The following PLEKHA5 variants were observed in gnomAD, a reference collection of about 807,000 sequenced individuals.
The protein encoded by PLEKHA5 is pleckstrin homology domain containing A5, also known as pleckstrin homology domain-containing family A member 5.
Under a neutral mutation model 181.9 loss-of-function variants are expected in PLEKHA5, and 55 were observed. The ratio of observed to expected loss-of-function variants is 0.30; its 90% CI spans 0.24 to 0.38. The LOEUF (loss-of-function observed/expected upper bound fraction) is 0.38, where lower values mean the gene tolerates loss of function less well. Ranked by LOEUF, PLEKHA5 falls within the 10% of genes least tolerant of loss-of-function variation. The probability of loss-of-function intolerance (pLI) is 1.00; values close to 1 mark genes in which losing one functional copy is unlikely to be tolerated. For synonymous variants in PLEKHA5, 535 were observed against 529.4 expected, an observed-to-expected ratio of 1.01 and a Z score of -0.15; for missense variants, 1,432 against 1,549.5, an observed-to-expected ratio of 0.92 and a Z score of 1.27.
chr12:19,164,499 C>G (rs965218102), intron 3 of PLEKHA5, among the ~76,000 whole-genome samples: 5 of 152,054 alleles, frequency 3.3e-5, no homozygotes, highest in African/African-American at 1.2e-4. Flanking sequence ...CTGGCCTTTC[C>G]AGATTATTTT....
chr12:19,334,721 C>G lies in PLEKHA5; in HGVS notation c.2449-1794C>G, dbSNP rs182810820. On this transcript the variant is annotated intron_variant, in intron 20 of 31. Transcript: ENST00000429027. ...GCTGACTAGATGTGGTGGCTCACACCTGTAATCTCAGCACTATGAGAGGCC... is the reference window on the plus strand; with the variant it reads ...GCTGACTAGATGTGGTGGCTCACACGTGTAATCTCAGCACTATGAGAGGCC... 3.5e-3 allele frequency among the ~76,000 whole-genome samples: 511 copies of G among 147,442 alleles called. 3 individuals are homozygous for G. The highest frequency in any genetic ancestry group is 8.2e-3 in the Admixed American group (119 of 14,538).
chr12:19,195,769 GATAT>G (rs148896450), intron 3 of PLEKHA5, among the ~76,000 whole-genome samples: 12 of 148,972 alleles, frequency 8.1e-5, no homozygotes, highest in African/African-American at 3.0e-4. Flanking sequence ...ATATCTATGA[GATAT>G]ATATATATAC....
chr12:19,322,886 T>G (rs2091215838), intron 20 of PLEKHA5, among the ~76,000 whole-genome samples: 1 of 152,154 alleles, frequency 6.6e-6, no homozygotes, highest in Non-Finnish European at 1.5e-5. Flanking sequence ...AAGGTCTCAC[T>G]CTGTCACCCA....
At chr12:19,366,150 C>T (rs1267729179) in intron 30 of PLEKHA5, 41 bp downstream of exon 30, 5 of 1,483,550 alleles carry the variant, frequency 3.4e-6, no homozygotes, top group African/African-American at 2.8e-5. Flanking sequence ...CTGGTGCTTC[C>T]TCTGAACTTC....
At chr12:19,304,729 A>G (rs2082636815) in intron 15 of PLEKHA5, among the ~76,000 whole-genome samples, 1 of 150,944 alleles carries the variant, frequency 6.6e-6, no homozygotes, top group African/African-American at 2.4e-5. Context: ...TTAAATCTCC[A>G]CAGGTAGTTT....
chr12:19,138,040 G>T (rs956399248), intron 3 of PLEKHA5, among the ~76,000 whole-genome samples: 2 of 152,110 alleles, frequency 1.3e-5, no homozygotes, highest in Non-Finnish European at 2.9e-5. Flanking sequence ...TTTAGGAAGG[G>T]GGAGGAAGTG....
Position 19,130,668 on chromosome 12 carries a change from G to C in PLEKHA5, c.169+538G>C, listed in dbSNP as rs2033428405. 3 of 152,750 alleles carry C rather than the reference G, an allele frequency of 2.0e-5. No individual in the cohort carries two copies. The South Asian group carries it at 6.2e-4, about 32-fold the overall frequency. The allele number at this position is 152,750 out of a possible 1,614,324, so 9.5% of individuals were successfully genotyped here. ...TTCCTCCTCCTAGGTGGGACTTGTGGGTAGGTGGCTGATGAAGGAGGAGGA... is the reference window on the plus strand; with the variant it reads ...TTCCTCCTCCTAGGTGGGACTTGTGCGTAGGTGGCTGATGAAGGAGGAGGA... On this transcript the variant is annotated intron_variant, in intron 2 of 31. Transcript: ENST00000429027. This position sits in a 1 kb window ranked among gnomAD's most constrained non-coding sequence, Gnocchi z 4.5.
chr12:19,319,906 C>T, intron 16 of PLEKHA5, 115 bp from the exon 17 acceptor site: 1 of 609,122 alleles, frequency 1.6e-6, no homozygotes, highest in East Asian at 3.5e-5. Flanking sequence ...CACACATAAA[C>T]TTTTTATGAA....
intron 26 of PLEKHA5, 141 bp downstream of exon 26, chr12:19,354,143 C>CTTTTTTTTTTTTTTTTTTTTTTTTTTT (rs750923063): frequency 1.4e-5 from 1 of 73,892 alleles, no homozygotes; most frequent in Non-Finnish European, 2.3e-5. Context: ...ATTCTTTATT[C>CTTTTTTTTTTTTTTTTTTTTTTTTTTT]TTTTTTTTTT....
chr12:19,173,197 G>T (rs566448176), intron 3 of PLEKHA5, among the ~76,000 whole-genome samples: 5 of 148,238 alleles, frequency 3.4e-5, no homozygotes, highest in Non-Finnish European at 7.5e-5. Flanking sequence ...CTAATTTTTT[G>T]TATTTTTAGT....
At chr12:19,184,765 C>T (rs1407179785) in intron 3 of PLEKHA5, among the ~76,000 whole-genome samples, 3 of 152,016 alleles carry the variant, frequency 2.0e-5, no homozygotes, top group Admixed American at 6.5e-5. Context: ...TGGAATTTTT[C>T]AAAGAATTTT....
In PLEKHA5 at chr12:19,250,428, A is replaced by G. The variant is rs141692189; in HGVS notation, c.228-3512A>G. 9.1e-4 allele frequency among the ~76,000 whole-genome samples: 139 copies of G among 152,230 alleles called. 3 individuals carry two copies. The East Asian group carries it at 0.025, about 28-fold the overall frequency. Reference sequence around the variant, plus strand: ...GGTGAAACCCCTCTCTACTAAAACTACAAAATTAGCCAGGCGTCGTGGTGC... The same window carrying G: ...GGTGAAACCCCTCTCTACTAAAACTGCAAAATTAGCCAGGCGTCGTGGTGC... On this transcript the variant is annotated intron_variant, in intron 3 of 31. Coordinates refer to ENST00000429027, the MANE Select transcript of PLEKHA5 (RefSeq NM_001256470.2).
At chr12:19,189,500 A>G (rs1366384196) in intron 3 of PLEKHA5, among the ~76,000 whole-genome samples, 1 of 151,994 alleles carries the variant, frequency 6.6e-6, no homozygotes. Flanking sequence ...TAGAAATGGG[A>G]AAAAATATTT....
intron 30 of PLEKHA5, among the ~76,000 whole-genome samples, chr12:19,366,946 C>T (rs979911041): frequency 6.6e-6 from 1 of 152,052 alleles, no homozygotes; most frequent in Non-Finnish European, 1.5e-5. Context: ...AGGCAGAGTA[C>T]TCCCTCTGTT....
rs929350923 is a variant in PLEKHA5 at position 19,368,836 on chromosome 12, T to TA, written c.3755-847dup. Among the ~76,000 whole-genome samples, 117 of 149,782 alleles carry TA rather than the reference T, an allele frequency of 7.8e-4. 1 individual carries two copies. Among genetic ancestry groups the TA allele is most frequent in the African/African-American group, 2.6e-3 (105 of 40,914 alleles). ...AGTGTGCACAGGAGGTCTCACTTGT[T>TA]AAAAAAAAAATTGTCACTGGCCAGT... On this transcript the variant is annotated intron_variant, in intron 30 of 31. Coordinates refer to ENST00000429027, the MANE Select transcript of PLEKHA5 (RefSeq NM_001256470.2).
At chr12:19,150,245 G>T (rs1372902176) in intron 3 of PLEKHA5, 3 of 151,916 alleles carry the variant, frequency 2.0e-5, no homozygotes, top group African/African-American at 7.3e-5. Context: ...TTCTTTTGAT[G>T]CCCTGTTTAG....
chr12:19,209,283 A>T (rs1437335762), intron 3 of PLEKHA5, among the ~76,000 whole-genome samples: 1 of 152,206 alleles, frequency 6.6e-6, no homozygotes, highest in African/African-American at 2.4e-5. Context: ...ACTCCAAAGA[A>T]ATCAGCAGTT....
At chr12:19,315,317 T>C (rs1000117158) in intron 16 of PLEKHA5, among the ~76,000 whole-genome samples, 2 of 152,180 alleles carry the variant, frequency 1.3e-5, no homozygotes, top group South Asian at 4.1e-4. Context: ...GTTTTAAGAA[T>C]ACATTATATT....
At chr12:19,250,009 A>G (rs2064833311) in intron 3 of PLEKHA5, among the ~76,000 whole-genome samples, 1 of 152,114 alleles carries the variant, frequency 6.6e-6, no homozygotes, top group Non-Finnish European at 1.5e-5. Flanking sequence ...CTGCATTATA[A>G]ACTGTTTAGC....
Sources: gnomAD v4.1 joint callset for allele counts (sites outside exome capture counted in the v4.1 genomes callset) on GRCh38, gnomAD v4.1.1 for gene constraint, Gnocchi (gnomAD v3.1) non-coding constraint, MANE v1.5 for transcripts, NCBI Gene and HGNC (gene_info 2026-07-23, HGNC 2026-07-21) for gene names.